The following STX3 variants were observed in gnomAD, a reference collection of about 807,000 sequenced individuals.
STX3 encodes syntaxin 3.
A neutral mutation model predicts 40.2 loss-of-function variants in STX3; 19 were observed. That is an observed-to-expected ratio of 0.47 (90% confidence interval 0.33 to 0.69). STX3 has a LOEUF of 0.69. Among genes scored for constraint, STX3 ranks in the 30% least tolerant of loss-of-function variants. The pLI is 0.02. For synonymous variants in STX3, 122 were observed against 132.2 expected, an observed-to-expected ratio of 0.92 and a Z score of 0.53; for missense variants, 364 against 366.7, an observed-to-expected ratio of 0.99 and a Z score of 0.06.
intron 10 of STX3, chr11:59,799,964 A>G (rs1489718343): frequency 1.0e-6 from 1 of 985,244 alleles, no homozygotes; most frequent in Non-Finnish European, 1.2e-6. Context: ...ATTTTTCCAT[A>G]TCCTTGGATG....
chr11:59,765,071 G>A (rs1863217367), intron 1 of STX3, among the ~76,000 whole-genome samples: 1 of 152,042 alleles, frequency 6.6e-6, no homozygotes, highest in Non-Finnish European at 1.5e-5. Context: ...AAGTTGTTCA[G>A]CTAGGGCTTT....
At chr11:59,763,702 G>C (rs949657431) in intron 1 of STX3, among the ~76,000 whole-genome samples, 1 of 152,166 alleles carries the variant, frequency 6.6e-6, no homozygotes. Context: ...ATAAATCAAA[G>C]TAGAAATGAC....
At chr11:59,795,708 G>A (rs902838536) in intron 9 of STX3, 23 of 1,536,532 alleles carry the variant, frequency 1.5e-5, no homozygotes, top group East Asian at 7.3e-5. Flanking sequence ...AGTGAAGCCC[G>A]GAGGGTGAGC....
At chr11:59,763,955 T>C (rs1590751834) in intron 1 of STX3, among the ~76,000 whole-genome samples, 1 of 151,638 alleles carries the variant, frequency 6.6e-6, no homozygotes, top group East Asian at 1.9e-4. Flanking sequence ...GAGGTGGAGG[T>C]TGCAATGAGC....
At chr11:59,771,384 T>G (rs1255740479) in intron 1 of STX3, among the ~76,000 whole-genome samples, 3 of 131,566 alleles carry the variant, frequency 2.3e-5, no homozygotes, top group South Asian at 2.4e-4. Flanking sequence ...TGCATAAATT[T>G]GCCCCCCGTC....
chr11:59,795,591 T>C, intron 9 of STX3, 109 bp downstream of exon 9: 1 of 1,544,172 alleles, frequency 6.5e-7, no homozygotes, highest in Middle Eastern at 1.7e-4. Context: ...ACCTCTTGCA[T>C]CTGGGGAAAG....
At chr11:59,781,100 T>TTTTTTTTTTTTTTTTTTTTTATA (rs963410109) in intron 2 of STX3, among the ~76,000 whole-genome samples, 4 of 146,306 alleles carry the variant, frequency 2.7e-5, no homozygotes, top group Admixed American at 6.8e-5. Flanking sequence ...TTTTTTTTTT[T>TTTTTTTTTTTTTTTTTTTTTATA]TATATTAGCA....
Position 59,801,799 on chromosome 11 carries a change from A to G in STX3, c.*975A>G. 1.0e-6 allele frequency: 1 copy of G among 985,838 alleles called. No individual in the cohort carries two copies. Among genetic ancestry groups the G allele is most frequent in the Non-Finnish European group, 1.2e-6 (1 of 829,930 alleles). 61.1% of individuals were successfully genotyped at this position (985,838 alleles called of 1,614,324 possible). A position where few individuals can be genotyped will look rare whatever the true frequency, so the allele number is the denominator to read the frequency against. On this transcript the variant is annotated 3_prime_UTR_variant, in exon 11 of 11. Coordinates refer to ENST00000337979, the MANE Select transcript of STX3 (RefSeq NM_004177.5). The stretch of plus-strand genomic sequence containing the variant: ...GTGTGTGTCTCAGGAAGTAGGAAAT[A>G]AAAATGGAAGCTATTATGACCTCAA...
intron 1 of STX3, among the ~76,000 whole-genome samples, chr11:59,756,149 C>A (rs1443826116): frequency 6.6e-6 from 1 of 151,956 alleles, no homozygotes; most frequent in African/African-American, 2.4e-5. Flanking sequence ...TAATTGTTAT[C>A]CCCGGGTGTC....
chr11:59,759,104 C>G (rs538218832), intron 1 of STX3, among the ~76,000 whole-genome samples: 1 of 152,224 alleles, frequency 6.6e-6, no homozygotes, highest in East Asian at 1.9e-4. Context: ...CCAATCTGAC[C>G]TTTTCAGATA....
intron 1 of STX3, among the ~76,000 whole-genome samples, chr11:59,759,656 A>G (rs912447072): frequency 2.6e-5 from 4 of 152,156 alleles, no homozygotes; most frequent in South Asian, 2.1e-4. Flanking sequence ...AAAGACCAGC[A>G]CTAATAAGGA....
intron 2 of STX3, among the ~76,000 whole-genome samples, chr11:59,782,384 A>G (rs1864447709): frequency 6.6e-6 from 1 of 152,232 alleles, no homozygotes; most frequent in Non-Finnish European, 1.5e-5. Flanking sequence ...TACCTGGCAT[A>G]TGACAAATGT....
chr11:59,802,531 G>A lies in STX3; in HGVS notation c.*1707G>A, dbSNP rs1484202827. ...GATGTCAGACAGTGGATGGGCTCCAGCAACAAGAGACAAAATAACTAAAGG... is the reference window on the plus strand; with the variant it reads ...GATGTCAGACAGTGGATGGGCTCCAACAACAAGAGACAAAATAACTAAAGG... On this transcript the variant is annotated 3_prime_UTR_variant, in exon 11 of 11. Transcript: ENST00000337979. 5 of 985,752 alleles carry A rather than the reference G, an allele frequency of 5.1e-6. No individual in the cohort carries two copies. Among genetic ancestry groups the A allele is most frequent in the Non-Finnish European group, 6.0e-6 (5 of 829,946 alleles). 61.1% of individuals were successfully genotyped at this position (985,752 alleles called of 1,614,324 possible). A position where few individuals can be genotyped will look rare whatever the true frequency, so the allele number is the denominator to read the frequency against.
At chr11:59,784,944 A>G (rs1441540510) in intron 2 of STX3, among the ~76,000 whole-genome samples, 1 of 152,198 alleles carries the variant, frequency 6.6e-6, no homozygotes, top group South Asian at 2.1e-4. Context: ...TAACTCTTCA[A>G]TCTAATGGAA....
chr11:59,791,568 C>T (rs751437707), intron 5 of STX3, among the ~76,000 whole-genome samples: 5 of 151,980 alleles, frequency 3.3e-5, no homozygotes, highest in African/African-American at 7.3e-5. Flanking sequence ...TATATATTGG[C>T]GATTTTCCAA....
At position 59,801,260 on chromosome 11, in the gene STX3, T is replaced by C. The variant is rs891570372; in HGVS notation, c.*436T>C. 2.5e-5 allele frequency: 26 copies of C among 1,019,866 alleles called. No individual in the cohort carries two copies. The African/African-American group carries it at 3.8e-4, about 15-fold the overall frequency. 63.2% of individuals were successfully genotyped at this position (1,019,866 alleles called of 1,614,324 possible). ...GGGGAGTATCTTTAACAAAGCAGAA[T>C]GATTCTTCTAAGTTTGGCAACAAGA... is the stretch of plus-strand genomic sequence containing the variant. On this transcript the variant is annotated 3_prime_UTR_variant, in exon 11 of 11. Coordinates refer to ENST00000337979, the MANE Select transcript of STX3 (RefSeq NM_004177.5).
At chr11:59,781,322 T>C (rs570237900) in intron 2 of STX3, 7 of 1,585,600 alleles carry the variant, frequency 4.4e-6, no homozygotes, top group East Asian at 2.2e-5. Context: ...TTTATTCTAC[T>C]TTTTCATAGA....
At chr11:59,787,173 A>G in intron 3 of STX3, 37 bp downstream of exon 3, 1 of 1,585,432 alleles carries the variant, frequency 6.3e-7, no homozygotes. Context: ...TCCAACAATC[A>G]CCCTTTCCTT....
intron 2 of STX3, among the ~76,000 whole-genome samples, chr11:59,786,197 T>C (rs1031368858): frequency 1.3e-5 from 2 of 151,936 alleles, no homozygotes; most frequent in South Asian, 4.2e-4. Context: ...CATTGCCTAG[T>C]ATCTCTCTTT....
Sources: allele counts gnomAD v4.1 joint callset (sites outside exome capture counted in the v4.1 genomes callset), GRCh38; gene constraint gnomAD v4.1.1; transcripts MANE v1.5; gene names NCBI Gene and HGNC (gene_info 2026-07-23, HGNC 2026-07-21).